Variants in CHD9 observed in about 807,000 individuals in gnomAD.
CHD9 encodes chromodomain helicase DNA binding protein 9.
CHD9 carries 77 observed loss-of-function variants against 316.1 expected under a neutral mutation model. That is an observed-to-expected ratio of 0.24 (90% CI 0.20 to 0.29). CHD9 has a LOEUF of 0.29. CHD9 is among the 10% of genes least tolerant of loss of function. The pLI is 1.00. For missense variants in CHD9, 2,763 were observed against 3,438.1 expected (o/e 0.80, Z 4.91); for synonymous variants, 1,129 against 1,158.3 (o/e 0.97, Z 0.51).
intron 2 of CHD9, among the ~76,000 whole-genome samples, chr16:53,206,421 A>G (rs1413312558): frequency 6.6e-6 from 1 of 151,938 alleles, no homozygotes; most frequent in Non-Finnish European, 1.5e-5. Flanking sequence ...TGAGAATGTT[A>G]CTACTTTCCT....
chr16:53,166,398 G>A (rs2042271110), intron 2 of CHD9, among the ~76,000 whole-genome samples: 1 of 152,098 alleles, frequency 6.6e-6, no homozygotes, highest in South Asian at 2.1e-4. Flanking sequence ...GATTAGTGCA[G>A]TATATGAAGA....
At chr16:53,305,186 T>C (rs1042042888) in intron 31 of CHD9, among the ~76,000 whole-genome samples, 1 of 152,032 alleles carries the variant, frequency 6.6e-6, no homozygotes, top group African/African-American at 2.4e-5. Context: ...CTCAGCCTCC[T>C]GAGTAGCTAG....
intron 13 of CHD9, among the ~76,000 whole-genome samples, chr16:53,243,601 G>T (rs2049297923): frequency 6.6e-6 from 1 of 152,102 alleles, no homozygotes; most frequent in African/African-American, 2.4e-5. Context: ...GCGTGAGCCT[G>T]TAATTTTTTG....
chr16:53,222,745 A>C lies in CHD9; in HGVS notation c.1886A>C (p.Gln629Pro). The C allele has an allele frequency of 6.7e-7, 1 of 1,488,366 alleles. No homozygotes were observed. The allele number at this position is 1,488,366 out of a possible 1,614,324, so 92.2% of individuals were successfully genotyped here. A position where few individuals can be genotyped will look rare whatever the true frequency, so the allele number is the denominator to read the frequency against. Residue 629 changes from glutamine to proline, a missense_variant, in exon 4 of 39, where the codon CAA (glutamine) becomes CCA (proline). Around this residue, in one of 15 missense-constraint regions of CHD9, gnomAD observed 859 missense variants for 890.4 expected, o/e 0.96. Coordinates refer to ENST00000447540, the MANE Select transcript of CHD9 (RefSeq NM_001308319.2). The stretch of plus-strand genomic sequence containing the variant: ...ATGCCACAGCATACATTAAAAGATC[A>C]AGACTCTCAAGTGAGTATTACAATT... ...EQMPQHTLKD[Q>P]DSQKRRSNRQ...
chr16:53,082,205 TTTA>T (rs869125927), intron 1 of CHD9, among the ~76,000 whole-genome samples: 34 of 12,300 alleles, frequency 2.8e-3, no homozygotes, highest in African/African-American at 8.1e-3. Flanking sequence ...GAACATTTTA[TTTA>T]TTTATTTATT....
chr16:53,218,542 A>G (rs1011671392), intron 3 of CHD9, among the ~76,000 whole-genome samples: 6 of 152,304 alleles, frequency 3.9e-5, no homozygotes, highest in African/African-American at 1.4e-4. Flanking sequence ...TCTTCATTTA[A>G]TCATTAACCC....
At chr16:53,302,695 C>T (rs908064555) in intron 30 of CHD9, among the ~76,000 whole-genome samples, 1 of 152,110 alleles carries the variant, frequency 6.6e-6, no homozygotes, top group Non-Finnish European at 1.5e-5. Flanking sequence ...TCTATTTAAT[C>T]AGTTATTTAT....
intron 34 of CHD9, chr16:53,311,129 A>G (rs1456999241): frequency 6.6e-6 from 1 of 150,970 alleles, no homozygotes; most frequent in Admixed American, 6.6e-5. Context: ...TACCTGAGCC[A>G]TGGTTGTGCC....
At position 53,324,714 on chromosome 16, in the gene CHD9, A is replaced by C; in HGVS notation, c.8513A>C (p.Lys2838Thr). ...QNKNSDLGSS[K>T]SVEVKEEDSR... The stretch of plus-strand genomic sequence containing the variant: ...AAAAACAGTGACTTAGGCTCGTCTA[A>C]GTCTGTAGAAGTAAAAGAAGAAGAT... Residue 2838 changes from lysine (K) to threonine (T), a missense_variant, in exon 39 of 39, where the codon AAG (lysine) becomes ACG (threonine). By Grantham distance (78) the Lys-to-Thr change is moderately conservative. Transcript: ENST00000447540. 1 of 1,613,362 alleles carries C rather than the reference A, an allele frequency of 6.2e-7. No homozygotes were observed. The highest frequency in any genetic ancestry group is 8.5e-7 in the Non-Finnish European group (1 of 1,179,630).
In CHD9 at chr16:53,267,819, T is replaced by C. The variant is rs1212650307; in HGVS notation, c.4518-108T>C. On this transcript the variant is annotated intron_variant, in intron 21 of 38. Coordinates refer to ENST00000447540, the MANE Select transcript of CHD9 (RefSeq NM_001308319.2). ...TATGCATGGGTAGGGAAGACTTAATTAGCAAAAATGACAATTTTTTAAAGT... is the reference window on the plus strand; with the variant it reads ...TATGCATGGGTAGGGAAGACTTAATCAGCAAAAATGACAATTTTTTAAAGT... The C allele has an allele frequency of 1.1e-5, 10 of 920,226 alleles. No individual in the cohort carries two copies. In the East Asian group the frequency reaches 2.6e-4, roughly 24 times the overall value. 57.0% of individuals were successfully genotyped at this position (920,226 alleles called of 1,614,324 possible).
intron 1 of CHD9, among the ~76,000 whole-genome samples, chr16:53,129,485 A>G (rs2039118487): frequency 6.6e-6 from 1 of 152,202 alleles, no homozygotes; most frequent in Non-Finnish European, 1.5e-5. Flanking sequence ...TATCTCAGCT[A>G]AATAGAGTTA....
At position 53,088,734 on chromosome 16, in the gene CHD9, C is replaced by A. The variant is rs550802043; in HGVS notation, c.-165+33657C>A. On this transcript the variant is annotated intron_variant, in intron 1 of 38. Transcript: ENST00000447540. ...GTGGCTTATTCCTGTAATCCTAACA[C>A]TTTGGGAGGCCAAGGCAGGAGGATC... Among the ~76,000 whole-genome samples the A allele has an allele frequency of 2.0e-5, 3 of 152,136 alleles. No individual in the cohort carries two copies. The South Asian group carries it at 6.2e-4, about 32-fold the overall frequency.
chr16:53,272,975 G>C (rs889239456), intron 22 of CHD9, among the ~76,000 whole-genome samples: 6 of 152,080 alleles, frequency 3.9e-5, no homozygotes, highest in Non-Finnish European at 7.4e-5. Flanking sequence ...TGTAATCCCA[G>C]CTACTCAGGA....
At chr16:53,066,274 G>A (rs1034495045) in intron 1 of CHD9, among the ~76,000 whole-genome samples, 3 of 152,106 alleles carry the variant, frequency 2.0e-5, no homozygotes, top group Non-Finnish European at 4.4e-5. Context: ...GGGGCCTGGG[G>A]TACAAAGGAA....
At chr16:53,196,260 A>C (rs1250315656) in intron 2 of CHD9, among the ~76,000 whole-genome samples, 4 of 152,184 alleles carry the variant, frequency 2.6e-5, no homozygotes. Flanking sequence ...ACCACCACCA[A>C]AGCCAAGATA....
At chr16:53,112,962 A>G (rs2037983144) in intron 1 of CHD9, among the ~76,000 whole-genome samples, 1 of 152,180 alleles carries the variant, frequency 6.6e-6, no homozygotes, top group Non-Finnish European at 1.5e-5. Flanking sequence ...TGATGGCACC[A>G]CTGCACTCCA....
At position 53,251,509 on chromosome 16, in the gene CHD9, T is replaced by TTAC. The variant is rs1052535930; in HGVS notation, c.3861+1444_3861+1446dup. ...CTACACCTAGAGCAAAGTTGCCCATTTACAGTCCTGGGTTCCAAATGGCAC... is the reference window on the plus strand; with the variant it reads ...CTACACCTAGAGCAAAGTTGCCCATTTACTACAGTCCTGGGTTCCAAATGGCAC... On this transcript the variant is annotated intron_variant, in intron 17 of 38. Transcript: ENST00000447540. Among the ~76,000 whole-genome samples, 3 of 152,164 alleles carry TTAC rather than the reference T, an allele frequency of 2.0e-5. 1 individual carries two copies. The highest frequency in any genetic ancestry group is 2.0e-4 in the Admixed American group (3 of 15,286).
At chr16:53,105,662 G>T (rs539078062) in intron 1 of CHD9, among the ~76,000 whole-genome samples, 1 of 152,214 alleles carries the variant, frequency 6.6e-6, no homozygotes, top group Non-Finnish European at 1.5e-5. Flanking sequence ...GTTATACTAT[G>T]AGACTATGTC....
At chr16:53,128,383 T>A (rs533323501) in intron 1 of CHD9, among the ~76,000 whole-genome samples, 1 of 152,168 alleles carries the variant, frequency 6.6e-6, no homozygotes, top group South Asian at 2.1e-4. Flanking sequence ...GGTTTCTCCA[T>A]GTTGGTCAGG....
Sources: gnomAD v4.1 joint callset for allele counts (sites outside exome capture counted in the v4.1 genomes callset) on GRCh38, gnomAD v4.1.1 for gene constraint, gnomAD v4.1.1 regional missense constraint, MANE v1.5 for transcripts, NCBI Gene and HGNC (gene_info 2026-07-23, HGNC 2026-07-21) for gene names.